The following PCDH11X variants were observed in gnomAD, a reference collection of about 807,000 sequenced individuals.
The protein encoded by PCDH11X is protocadherin 11 X-linked.
PCDH11X carries 18 observed loss-of-function variants against 53.3 expected under a neutral mutation model. That is an observed-to-expected ratio of 0.34 (90% CI 0.23 to 0.50). PCDH11X has a LOEUF of 0.50. Among genes scored for constraint, PCDH11X ranks in the 20% least tolerant of loss-of-function variants. PCDH11X has a pLI of 0.98. For synonymous variants in PCDH11X, 279 were observed against 393.3 expected, an observed-to-expected ratio of 0.71 and a Z score of 3.44; for missense variants, 570 against 1,032.4, an observed-to-expected ratio of 0.55 and a Z score of 6.14.
chrX:92,331,177 G>A (rs1330963369), intron 8 of PCDH11X, among the ~76,000 whole-genome samples: 1 of 109,803 alleles, frequency 9.1e-6, no homozygotes, highest in Non-Finnish European at 1.9e-5. Flanking sequence ...AGCCTTGTAG[G>A]AATGTCTGAA....
intron 10 of PCDH11X, among the ~76,000 whole-genome samples, chrX:92,494,156 A>G (rs2073819458): frequency 9.0e-6 from 1 of 110,823 alleles, no homozygotes; most frequent in South Asian, 3.8e-4. Flanking sequence ...CCTGAACTCA[A>G]ACGCAATTCA....
At chrX:91,797,993 G>A (rs915392921) in intron 1 of PCDH11X, 3 of 111,201 alleles carry the variant, frequency 2.7e-5, no homozygotes, top group African/African-American at 9.8e-5. Context: ...GAAACAGCAT[G>A]GTAGAAATTT....
Position 91,811,478 on chromosome X carries a change from A to G in PCDH11X, c.-45+183A>G, listed in dbSNP as rs1602267307. On this transcript the variant is annotated intron_variant, in intron 4 of 10. Transcript: ENST00000682573. ...AGAGGAAGGGGAAGTCTATATTCCA[A>G]TATACTGATATCATGTAGGGAGAGA... Among the ~76,000 whole-genome samples, 3 of 109,528 alleles carry G rather than the reference A, an allele frequency of 2.7e-5. No homozygotes were observed. In the Middle Eastern group the frequency reaches 0.014, roughly 509 times the overall value.
chrX:91,912,573 T>C (rs1231673502), intron 6 of PCDH11X, among the ~76,000 whole-genome samples: 1 of 111,045 alleles, frequency 9.0e-6, no homozygotes, highest in African/African-American at 3.3e-5. Flanking sequence ...ATCACCTTAA[T>C]GATTTATGTA....
intron 8 of PCDH11X, among the ~76,000 whole-genome samples, chrX:92,310,732 A>G (rs1011886542): frequency 1.8e-5 from 2 of 111,580 alleles, no homozygotes; most frequent in Admixed American, 9.6e-5. Context: ...ATTCTCAGGT[A>G]TGAGTGAAAA....
At chrX:91,881,757 A>G (rs993665311) in intron 6 of PCDH11X, among the ~76,000 whole-genome samples, 3 of 110,432 alleles carry the variant, frequency 2.7e-5, no homozygotes, top group African/African-American at 9.8e-5. Flanking sequence ...AATATCATAC[A>G]AAATGGGAGA....
intron 9 of PCDH11X, among the ~76,000 whole-genome samples, chrX:92,427,210 A>G (rs1241856191): frequency 1.8e-5 from 2 of 109,633 alleles, no homozygotes; most frequent in Non-Finnish European, 1.9e-5. Flanking sequence ...CTTCATGCCT[A>G]TGCACATGCA....
intron 7 of PCDH11X, among the ~76,000 whole-genome samples, chrX:92,250,639 A>AAT (rs917896321): frequency 9.4e-6 from 1 of 106,355 alleles, no homozygotes; most frequent in Non-Finnish European, 1.9e-5. Flanking sequence ...ATATATATAA[A>AAT]ATATATATAT....
chrX:92,047,703 T>C (rs12689161), intron 6 of PCDH11X, among the ~76,000 whole-genome samples: 8,086 of 109,144 alleles, frequency 0.074, 445 homozygotes, highest in East Asian at 0.42. Context: ...CATCTTCTCA[T>C]CTTTCAGTCA....
chrX:92,167,771 T>G (rs1045088816), intron 6 of PCDH11X, among the ~76,000 whole-genome samples: 31 of 111,602 alleles, frequency 2.8e-4, no homozygotes, highest in African/African-American at 9.8e-4. Flanking sequence ...GAAAATATGA[T>G]GTCACTATGA....
chrX:92,394,662 T>C (rs925539880), intron 9 of PCDH11X, among the ~76,000 whole-genome samples: 2 of 111,840 alleles, frequency 1.8e-5, no homozygotes, highest in Non-Finnish European at 3.8e-5. Context: ...GACAGACTAT[T>C]TGCCATTTGT....
At chrX:92,314,609 C>T (rs904110749) in intron 8 of PCDH11X, among the ~76,000 whole-genome samples, 5 of 111,487 alleles carry the variant, frequency 4.5e-5, no homozygotes, top group Non-Finnish European at 9.4e-5. Flanking sequence ...TTGACACCAG[C>T]ATCACCACAA....
chrX:91,843,473 C>T (rs1282188350), intron 5 of PCDH11X, among the ~76,000 whole-genome samples: 1 of 107,203 alleles, frequency 9.3e-6, no homozygotes, highest in Non-Finnish European at 1.9e-5. Flanking sequence ...CAAAGCTTGG[C>T]TAATTTTGTT....
At chrX:91,789,392 A>G (rs1243795112) in intron 1 of PCDH11X, among the ~76,000 whole-genome samples, 2 of 84,206 alleles carry the variant, frequency 2.4e-5, no homozygotes, top group Non-Finnish European at 4.6e-5. Context: ...CAAAACCTTT[A>G]CATGAGAGCT....
intron 6 of PCDH11X, among the ~76,000 whole-genome samples, chrX:92,188,954 G>T (rs1347281059): frequency 9.0e-6 from 1 of 111,408 alleles, no homozygotes; most frequent in Non-Finnish European, 1.9e-5. Flanking sequence ...AGTCAAATTT[G>T]ATTAGCATAA....
intron 8 of PCDH11X, among the ~76,000 whole-genome samples, chrX:92,302,310 A>G (rs914074216): frequency 4.5e-5 from 5 of 110,898 alleles, no homozygotes; most frequent in Non-Finnish European, 7.5e-5. Context: ...CTGACCTGGG[A>G]GGAGAAAGGA....
chrX:92,012,158 G>A (rs918224460), intron 6 of PCDH11X, among the ~76,000 whole-genome samples: 1 of 109,199 alleles, frequency 9.2e-6, no homozygotes, highest in African/African-American at 3.3e-5. Flanking sequence ...TGAAGTGGTG[G>A]TGAATACATA....
intron 6 of PCDH11X, among the ~76,000 whole-genome samples, chrX:91,971,580 TAAA>T (rs1241334630): frequency 8.9e-6 from 1 of 111,837 alleles, no homozygotes; most frequent in Non-Finnish European, 1.9e-5. Flanking sequence ...TTTTGGTTCT[TAAA>T]AAACAGTCAC....
intron 10 of PCDH11X, among the ~76,000 whole-genome samples, chrX:92,484,497 G>C (rs1277773669): frequency 1.9e-5 from 2 of 106,604 alleles, no homozygotes; most frequent in African/African-American, 6.8e-5. Flanking sequence ...ATGTTTGCCA[G>C]AATAAGGTGG....
Sources: gnomAD v4.1 joint callset for allele counts (sites outside exome capture counted in the v4.1 genomes callset) on GRCh38, gnomAD v4.1.1 for gene constraint, MANE v1.5 for transcripts, NCBI Gene and HGNC (gene_info 2026-07-23, HGNC 2026-07-21) for gene names.